PTN: variants seen among roughly 807,000 people sequenced by gnomAD.
The protein encoded by PTN is heparin affin regulatory protein.
PTN carries 18 observed loss-of-function variants against 24.1 expected under a neutral mutation model. That is an observed-to-expected ratio of 0.75 (90% CI 0.52 to 1.11). PTN has a LOEUF of 1.11. Among genes scored for constraint, PTN ranks in the 50% least tolerant of loss-of-function variants. The pLI is 0.00. For missense variants in PTN, 163 were observed against 198.8 expected (o/e 0.82, Z 1.08); for synonymous variants, 78 against 68.6 (o/e 1.14, Z -0.67).
chr7:137,264,438 C>T (rs998008420), intron 1 of PTN, among the ~76,000 whole-genome samples: 12 of 152,154 alleles, frequency 7.9e-5, no homozygotes, highest in Admixed American at 3.3e-4. Flanking sequence ...CCTCATGCTT[C>T]GGCCATGAGT....
Position 137,343,572 on chromosome 7 carries a change from C to T in PTN, c.-135G>A, listed in dbSNP as rs774588929. The T allele has an allele frequency of 1.9e-6, 1 of 518,986 alleles. No individual in the cohort carries two copies. Among genetic ancestry groups the T allele is most frequent in the Non-Finnish European group, 3.8e-6 (1 of 259,882 alleles). 32.1% of individuals were successfully genotyped at this position (518,986 alleles called of 1,614,324 possible). On this transcript the variant is annotated 5_prime_UTR_variant, in exon 1 of 5. Transcript: ENST00000348225. ...GCTGCTGCTCTCCCCGCCTTCTGGA[C>T]GGATGACTCACTGGTCTCTTTCTTC...
At chr7:137,337,792 C>T (rs925769875) in intron 1 of PTN, among the ~76,000 whole-genome samples, 9 of 152,086 alleles carry the variant, frequency 5.9e-5, no homozygotes, top group Non-Finnish European at 1.2e-4. Context: ...TGGGCTTAAA[C>T]AGGAAATTGG....
chr7:137,234,976 A>G (rs1808494692), intron 4 of PTN, among the ~76,000 whole-genome samples: 1 of 152,078 alleles, frequency 6.6e-6, no homozygotes, highest in Non-Finnish European at 1.5e-5. Flanking sequence ...CTTCTAAGAG[A>G]TAGAATTCAT....
intron 1 of PTN, among the ~76,000 whole-genome samples, chr7:137,261,183 C>A (rs916703215): frequency 2.6e-5 from 4 of 151,864 alleles, no homozygotes; most frequent in Admixed American, 6.6e-5. Flanking sequence ...ATTGTCCCAT[C>A]TTTGAAGAAT....
chr7:137,251,393 T>C lies in PTN; in HGVS notation c.290-2A>G. 6.2e-7 allele frequency: 1 copy of C among 1,613,966 alleles called. No homozygotes were observed. On this transcript the variant is annotated splice_acceptor_variant, in intron 3 of 4. Transcript: ENST00000348225. LOFTEE classifies it high-confidence loss of function. ...CCTGGAACTGGTATTTGCACTCCGC[T>C]AAAGGCAGGGTAGAACCAAACAGAA...
intron 4 of PTN, among the ~76,000 whole-genome samples, chr7:137,244,896 A>C (rs1808697087): frequency 6.6e-6 from 1 of 152,192 alleles, no homozygotes; most frequent in Admixed American, 6.5e-5. Flanking sequence ...CGGGATATTT[A>C]GTAATTCCCT....
chr7:137,309,316 C>T (rs1317611194), intron 1 of PTN, among the ~76,000 whole-genome samples: 2 of 152,296 alleles, frequency 1.3e-5, no homozygotes, highest in African/African-American at 2.4e-5. Context: ...TGCTAATGAG[C>T]ATCTGAGCCT....
chr7:137,254,489 T>A (rs1264060498), intron 2 of PTN, among the ~76,000 whole-genome samples: 2 of 151,990 alleles, frequency 1.3e-5, no homozygotes, highest in Non-Finnish European at 2.9e-5. Context: ...TCTCTGTGCT[T>A]GTTTCCTCCT....
intron 4 of PTN, among the ~76,000 whole-genome samples, chr7:137,247,581 T>G (rs1400474258): frequency 5.3e-5 from 8 of 152,152 alleles, no homozygotes; most frequent in Non-Finnish European, 8.8e-5. Flanking sequence ...GAATAAGACC[T>G]ACTATTTGAT....
intron 1 of PTN, among the ~76,000 whole-genome samples, chr7:137,257,811 G>A (rs1274732531): frequency 2.6e-5 from 4 of 152,280 alleles, no homozygotes; most frequent in Non-Finnish European, 5.9e-5. Flanking sequence ...CATGGAGAAC[G>A]CAGAACTCTT....
At chr7:137,295,131 A>G (rs1307762793) in intron 1 of PTN, among the ~76,000 whole-genome samples, 5 of 152,146 alleles carry the variant, frequency 3.3e-5, no homozygotes, top group African/African-American at 1.2e-4. Context: ...TGAAATACAC[A>G]TCAGATTTTA....
chr7:137,230,748 G>T (rs1015831191), intron 4 of PTN, among the ~76,000 whole-genome samples: 4 of 151,606 alleles, frequency 2.6e-5, no homozygotes, highest in African/African-American at 9.7e-5. Flanking sequence ...ATACATGATG[G>T]GTTTAAAATA....
At chr7:137,315,271 T>C (rs997876825) in intron 1 of PTN, among the ~76,000 whole-genome samples, 1 of 152,186 alleles carries the variant, frequency 6.6e-6, no homozygotes, top group African/African-American at 2.4e-5. Context: ...GCTGCTGTCC[T>C]TGACCATTAC....
intron 1 of PTN, among the ~76,000 whole-genome samples, chr7:137,259,066 TA>T (rs1808986029): frequency 6.6e-6 from 1 of 152,164 alleles, no homozygotes; most frequent in African/African-American, 2.4e-5. Flanking sequence ...AGTTGAAGAC[TA>T]CCATATTTGG....
At chr7:137,280,725 A>AAAAAAAAAAT (rs71176392) in intron 1 of PTN, among the ~76,000 whole-genome samples, 1 of 138,396 alleles carries the variant, frequency 7.2e-6, no homozygotes, top group Non-Finnish European at 1.6e-5. Context: ...AAAAAAAAAA[A>AAAAAAAAAAT]GCTGAGTGTG....
chr7:137,257,518 T>A (rs1045997897), intron 1 of PTN, among the ~76,000 whole-genome samples: 1 of 152,226 alleles, frequency 6.6e-6, no homozygotes, highest in African/African-American at 2.4e-5. Context: ...TCTTTCATAA[T>A]GTACTCAAAT....
chr7:137,327,432 C>T (rs763504722), intron 1 of PTN, among the ~76,000 whole-genome samples: 6 of 152,040 alleles, frequency 3.9e-5, no homozygotes, highest in African/African-American at 7.2e-5. Flanking sequence ...TGAGGTCTTG[C>T]CTGGGATCAT....
chr7:137,262,377 TTTC>T (rs1809056090), intron 1 of PTN, among the ~76,000 whole-genome samples: 1 of 152,190 alleles, frequency 6.6e-6, no homozygotes, highest in Non-Finnish European at 1.5e-5. Flanking sequence ...CTAAAATAGA[TTTC>T]TTATCATTCT....
chr7:137,279,842 C>T (rs1361422403), intron 1 of PTN, among the ~76,000 whole-genome samples: 1 of 152,062 alleles, frequency 6.6e-6, no homozygotes, highest in Non-Finnish European at 1.5e-5. Flanking sequence ...GAGGCTGAAG[C>T]CAGAAAGGCT....
Sources: allele counts gnomAD v4.1 joint callset (sites outside exome capture counted in the v4.1 genomes callset), GRCh38; gene constraint gnomAD v4.1.1; transcripts MANE v1.5; gene names NCBI Gene and HGNC (gene_info 2026-07-23, HGNC 2026-07-21).